Variants in MARCHF10 observed in about 807,000 individuals in gnomAD.
MARCHF10 encodes probable E3 ubiquitin-protein ligase MARCHF10.
A neutral mutation model predicts 76.2 loss-of-function variants in MARCHF10; 64 were observed. That is an observed-to-expected ratio of 0.84 (90% CI 0.69 to 1.03). The LOEUF (loss-of-function observed/expected upper bound fraction) is 1.03. MARCHF10 is among the 50% of genes least tolerant of loss of function. MARCHF10 has a pLI of 0.00. For synonymous variants in MARCHF10, 340 were observed against 357.5 expected, an observed-to-expected ratio of 0.95 and a Z score of 0.55; for missense variants, 875 against 958.0, an observed-to-expected ratio of 0.91 and a Z score of 1.14.
At chr17:62,724,127 T>G (rs968132483) in intron 7 of MARCHF10, among the ~76,000 whole-genome samples, 1 of 151,572 alleles carries the variant, frequency 6.6e-6, no homozygotes, top group Non-Finnish European at 1.5e-5. Context: ...GAGATGTGTG[T>G]CTGAAAGAAG....
At chr17:62,755,103 C>T (rs559178730) in intron 4 of MARCHF10, among the ~76,000 whole-genome samples, 78 of 152,176 alleles carry the variant, frequency 5.1e-4, no homozygotes, top group Non-Finnish European at 7.2e-4. Context: ...CAAATCTGAA[C>T]CCAGTAATGA....
At chr17:62,801,513 T>C (rs1318521481) in intron 2 of MARCHF10, 133 bp downstream of exon 2, 1 of 601,324 alleles carries the variant, frequency 1.7e-6, no homozygotes, top group Non-Finnish European at 2.9e-6. Flanking sequence ...TGGCTTTTGC[T>C]AGTTACATAC....
intron 2 of MARCHF10, among the ~76,000 whole-genome samples, chr17:62,789,204 C>A (rs1466398494): frequency 1.3e-5 from 2 of 152,138 alleles, no homozygotes; most frequent in Admixed American, 1.3e-4. Flanking sequence ...GAGGGCAGCA[C>A]CTGTTACACC....
At chr17:62,793,552 GCCACCACCACCTCCA>G (rs1398411883) in intron 2 of MARCHF10, among the ~76,000 whole-genome samples, 11 of 26,012 alleles carry the variant, frequency 4.2e-4, no homozygotes, top group Non-Finnish European at 5.9e-4. Flanking sequence ...CACCTCCACT[GCCACCACCACCTCCA>G]CCACCACCAC....
intron 3 of MARCHF10, among the ~76,000 whole-genome samples, chr17:62,766,226 C>T (rs796447022): frequency 1.3e-5 from 2 of 151,456 alleles, no homozygotes; most frequent in African/African-American, 2.4e-5. Context: ...TGGGGCCGGA[C>T]GCGGTGGCTC....
chr17:62,803,742 C>CT (rs539386313), intron 1 of MARCHF10, among the ~76,000 whole-genome samples: 56 of 152,282 alleles, frequency 3.7e-4, no homozygotes, highest in African/African-American at 1.3e-3. Context: ...TCTTGAGCTC[C>CT]TGACGTCAGG....
rs147968336 is a variant in MARCHF10 at position 62,725,010 on chromosome 17, C to T, written c.2032G>A (p.Gly678Ser). 73 of 1,610,924 alleles carry T rather than the reference C, an allele frequency of 4.5e-5. No homozygotes were observed. Among genetic ancestry groups the T allele is most frequent in the South Asian group, 6.7e-5 (6 of 90,192 alleles). The change falls in exon 7 of 11, where the codon GGC (glycine) becomes AGC (serine). Residue 678 changes from glycine (G) to serine (S), a missense_variant. Physicochemically the swap from Gly to Ser is moderately conservative, Grantham distance 56. Coordinates refer to ENST00000311269, the MANE Select transcript of MARCHF10 (RefSeq NM_152598.4). ...SPSNPLLEPCGCVGSLQFVHQ... is the reference protein window; with the variant it reads ...SPSNPLLEPCSCVGSLQFVHQ... ...ACAAACTGCAGGCTTCCCACACAGC[C>T]GCAAGGCTCCAGGAGGGGGTTGCTT... is the stretch of plus-strand genomic sequence containing the variant.
At chr17:62,749,496 A>G (rs1459477977) in intron 4 of MARCHF10, among the ~76,000 whole-genome samples, 1 of 152,202 alleles carries the variant, frequency 6.6e-6, no homozygotes, top group Non-Finnish European at 1.5e-5. Context: ...GAAGAATTAC[A>G]GCTTAATCGC....
At chr17:62,803,502 A>G (rs758499191) in intron 1 of MARCHF10, among the ~76,000 whole-genome samples, 9 of 151,640 alleles carry the variant, frequency 5.9e-5, no homozygotes, top group Non-Finnish European at 2.9e-5. Context: ...GTGGGGAGGG[A>G]GAGGGGATCA....
intron 3 of MARCHF10, among the ~76,000 whole-genome samples, chr17:62,770,973 A>T (rs1372838987): frequency 1.4e-5 from 2 of 145,116 alleles, no homozygotes; most frequent in African/African-American, 5.2e-5. Context: ...CTTCTGCCTC[A>T]GCCTGACTAG....
chr17:62,780,783 T>C (rs2092644099), intron 3 of MARCHF10, among the ~76,000 whole-genome samples: 1 of 152,196 alleles, frequency 6.6e-6, no homozygotes, highest in African/African-American at 2.4e-5. Flanking sequence ...CCAGTGAGGA[T>C]ACAGGATCTT....
intron 4 of MARCHF10, among the ~76,000 whole-genome samples, chr17:62,757,363 C>T (rs188283658): frequency 1.3e-5 from 2 of 152,280 alleles, no homozygotes; most frequent in East Asian, 1.9e-4. Context: ...GGAACTGTGA[C>T]TTTAACTAGT....
At chr17:62,769,922 T>G (rs2092410357) in intron 3 of MARCHF10, among the ~76,000 whole-genome samples, 1 of 152,194 alleles carries the variant, frequency 6.6e-6, no homozygotes. Flanking sequence ...ATGTTTGTTT[T>G]AGATACAGGG....
intron 9 of MARCHF10, among the ~76,000 whole-genome samples, chr17:62,709,328 A>T (rs1391613355): frequency 6.6e-6 from 1 of 152,064 alleles, no homozygotes; most frequent in Non-Finnish European, 1.5e-5. Flanking sequence ...AAAAATACAC[A>T]AATTAGCCGG....
rs769273205 is a variant in MARCHF10, at chr17:62,736,831, C to T, written c.1037G>A (p.Arg346Lys). Reference protein sequence around the residue: ...AENCRGHSSRRSEPSHGSLRI... With the variant: ...AENCRGHSSRKSEPSHGSLRI... ...CAATGAGCCATGACTGGGCTCACTT[C>T]TTCTTGAAGAATGACCTCTGCAATT... The change falls in exon 6 of 11, where the codon AGA (arginine) becomes AAA (lysine). Residue 346 changes from arginine (R) to lysine (K), a missense_variant. Arg to Lys is a conservative substitution (Grantham distance 26). Coordinates refer to ENST00000311269, the MANE Select transcript of MARCHF10 (RefSeq NM_152598.4). The T allele has an allele frequency of 1.9e-6, 3 of 1,614,020 alleles. 1 individual carries two copies. In the South Asian group the frequency reaches 3.3e-5, roughly 18 times the overall value.
At chr17:62,758,353 GAAAC>G (rs1295044305) in intron 4 of MARCHF10, among the ~76,000 whole-genome samples, 3 of 151,992 alleles carry the variant, frequency 2.0e-5, no homozygotes, top group African/African-American at 2.4e-5. Flanking sequence ...TGTCTCAACA[GAAAC>G]AAACAAACAA....
intron 5 of MARCHF10, among the ~76,000 whole-genome samples, chr17:62,741,765 G>A (rs994272803): frequency 2.6e-5 from 4 of 151,918 alleles, no homozygotes; most frequent in African/African-American, 9.7e-5. Flanking sequence ...GGTTATCTTG[G>A]CTCACTGCAA....
rs369979062 is a variant in MARCHF10, at chr17:62,711,201, C to T, written c.2328+30G>A. On this transcript the variant is annotated intron_variant, in intron 9 of 10. Transcript: ENST00000311269. The surrounding 1 kb of genome is among the most constrained non-coding windows in gnomAD (Gnocchi z 4.4). ...ACTGCAGGGTTTTCAGGGCTGCCACCGGACAGCTCTGGGTCACAGCCAGAC... is the reference window on the plus strand; with the variant it reads ...ACTGCAGGGTTTTCAGGGCTGCCACTGGACAGCTCTGGGTCACAGCCAGAC... 44 of 1,595,226 alleles carry T rather than the reference C, an allele frequency of 2.8e-5. No individual in the cohort carries two copies. The highest frequency in any genetic ancestry group is 6.7e-5 in the African/African-American group (5 of 74,594).
At chr17:62,776,241 A>C (rs1388830169) in intron 3 of MARCHF10, among the ~76,000 whole-genome samples, 5 of 152,236 alleles carry the variant, frequency 3.3e-5, no homozygotes, top group Admixed American at 2.6e-4. Flanking sequence ...CTCTCACACA[A>C]TGTCTGCGCT....
Sources: allele counts gnomAD v4.1 joint callset (sites outside exome capture counted in the v4.1 genomes callset), GRCh38; gene constraint gnomAD v4.1.1; non-coding constraint Gnocchi (gnomAD v3.1); transcripts MANE v1.5; gene names NCBI Gene and HGNC (gene_info 2026-07-23, HGNC 2026-07-21).